PTPRD: variants seen among roughly 807,000 people sequenced by gnomAD.
The protein encoded by PTPRD is protein tyrosine phosphatase receptor type D.
In PTPRD, 34 loss-of-function variants were observed where a neutral mutation model predicts 214.5. The observed-to-expected ratio is 0.16, with a 90% CI of 0.12 to 0.21. PTPRD has a LOEUF of 0.21. PTPRD is among the 10% of genes least tolerant of loss of function. The pLI, the probability that PTPRD is intolerant of heterozygous loss-of-function variation, is 1.00. For missense variants in PTPRD, 2,545 were observed against 2,398.7 expected, an observed-to-expected ratio of 1.06 and a Z score of -1.27; for synonymous variants, 1,128 against 845.7, an observed-to-expected ratio of 1.33 and a Z score of -5.79.
At chr9:8,967,995 C>G (rs539211619) in intron 11 of PTPRD, among the ~76,000 whole-genome samples, 5 of 151,960 alleles carry the variant, frequency 3.3e-5, no homozygotes, top group Non-Finnish European at 7.4e-5. Context: ...TGAGTGAGAA[C>G]ATGTGGTGTT....
At chr9:8,878,178 A>G (rs1272939541) in intron 11 of PTPRD, among the ~76,000 whole-genome samples, 1 of 152,204 alleles carries the variant, frequency 6.6e-6, no homozygotes, top group Admixed American at 6.5e-5. Flanking sequence ...TGTATGAAAC[A>G]CTGTGTCTTA....
chr9:8,763,905 G>C (rs1001450660), intron 11 of PTPRD, among the ~76,000 whole-genome samples: 2 of 151,940 alleles, frequency 1.3e-5, no homozygotes, highest in Non-Finnish European at 2.9e-5. Flanking sequence ...TACTAAATAT[G>C]GTAAATTCAA....
chr9:9,736,720 G>C (rs1444366712), intron 6 of PTPRD, among the ~76,000 whole-genome samples: 2 of 151,822 alleles, frequency 1.3e-5, no homozygotes, highest in African/African-American at 2.4e-5. Flanking sequence ...ATGTTTATTA[G>C]TCATACACAT....
chr9:8,839,118 C>T (rs921283265), intron 11 of PTPRD, among the ~76,000 whole-genome samples: 2 of 151,706 alleles, frequency 1.3e-5, no homozygotes, highest in African/African-American at 4.8e-5. Context: ...GAATAAAAAC[C>T]CTTAGGCAAA....
chr9:9,602,970 T>C (rs996189163), intron 7 of PTPRD, among the ~76,000 whole-genome samples: 3 of 152,120 alleles, frequency 2.0e-5, no homozygotes, highest in Non-Finnish European at 4.4e-5. Context: ...TTGGCTGCTA[T>C]ATTTTGAAAG....
chr9:10,115,501 G>A lies in PTPRD; in HGVS notation c.-544-81711C>T, dbSNP rs530016988. Among the ~76,000 whole-genome samples the A allele has an allele frequency of 2.6e-5, 4 of 152,050 alleles. No homozygotes were observed. In the East Asian group the frequency reaches 7.7e-4, roughly 29 times the overall value. ...AGATCTCTTTGCTTCTTTACAATTT[G>A]GCCAAGGGACACTGAAAGTTAACCC... On this transcript the variant is annotated intron_variant, in intron 3 of 45. Coordinates refer to ENST00000381196, the MANE Select transcript of PTPRD (RefSeq NM_002839.4).
At chr9:9,448,371 C>T (rs932439537) in intron 8 of PTPRD, among the ~76,000 whole-genome samples, 4 of 151,948 alleles carry the variant, frequency 2.6e-5, no homozygotes, top group Non-Finnish European at 4.4e-5. Context: ...CAGTTTCCCC[C>T]ATGCTGTTTT....
intron 7 of PTPRD, among the ~76,000 whole-genome samples, chr9:9,714,283 T>A (rs1016745613): frequency 1.3e-5 from 2 of 152,138 alleles, no homozygotes; most frequent in African/African-American, 4.8e-5. Flanking sequence ...GATATATTTT[T>A]GTACAGCAAC....
At chr9:9,335,939 G>A (rs1314096210) in intron 9 of PTPRD, among the ~76,000 whole-genome samples, 1 of 151,670 alleles carries the variant, frequency 6.6e-6, no homozygotes, top group Non-Finnish European at 1.5e-5. Flanking sequence ...TCCAATAATA[G>A]GAGAGATCAT....
chr9:8,660,588 A>G (rs1026663822), intron 12 of PTPRD, among the ~76,000 whole-genome samples: 1 of 152,102 alleles, frequency 6.6e-6, no homozygotes, highest in South Asian at 2.1e-4. Flanking sequence ...CCAGCCCCTC[A>G]GTGAACTTCT....
intron 9 of PTPRD, among the ~76,000 whole-genome samples, chr9:9,355,398 C>T (rs2053376031): frequency 6.6e-6 from 1 of 151,286 alleles, no homozygotes; most frequent in African/African-American, 2.4e-5. Context: ...AAAGAATGGG[C>T]TTAATTATGA....
intron 2 of PTPRD, among the ~76,000 whole-genome samples, chr9:10,389,572 C>T (rs1322104322): frequency 2.0e-5 from 3 of 151,750 alleles, no homozygotes; most frequent in Non-Finnish European, 2.9e-5. Context: ...AATTCATATA[C>T]ATTATTTTGT....
intron 5 of PTPRD, among the ~76,000 whole-genome samples, chr9:9,915,428 T>G (rs2080444422): frequency 6.6e-6 from 1 of 150,978 alleles, no homozygotes; most frequent in South Asian, 2.1e-4. Flanking sequence ...TTCAAAATAA[T>G]AAATCTTAAG....
chr9:10,015,479 T>G (rs1018305968), intron 4 of PTPRD, among the ~76,000 whole-genome samples: 2 of 152,082 alleles, frequency 1.3e-5, no homozygotes, highest in African/African-American at 4.8e-5. Context: ...AAAGGTGAAG[T>G]TGCAATCAAC....
At chr9:10,421,060 G>C (rs2098540863) in intron 2 of PTPRD, among the ~76,000 whole-genome samples, 1 of 151,768 alleles carries the variant, frequency 6.6e-6, no homozygotes, top group African/African-American at 2.4e-5. Flanking sequence ...ACTAACAATA[G>C]CTGATTAGCT....
At chr9:8,698,991 A>G (rs2098003689) in intron 12 of PTPRD, among the ~76,000 whole-genome samples, 1 of 152,150 alleles carries the variant, frequency 6.6e-6, no homozygotes, top group Admixed American at 6.6e-5. Flanking sequence ...CCTTCATGAG[A>G]AAACAGCATC....
intron 11 of PTPRD, among the ~76,000 whole-genome samples, chr9:8,772,327 A>T (rs1310871227): frequency 6.6e-6 from 1 of 152,064 alleles, no homozygotes; most frequent in Non-Finnish European, 1.5e-5. Flanking sequence ...CAAGAGCTCC[A>T]ATCTGGGTTT....
chr9:9,646,328 TGTGTGTGTGTGTGTGG>T (rs1157209053), intron 7 of PTPRD, among the ~76,000 whole-genome samples: 55 of 146,714 alleles, frequency 3.7e-4, no homozygotes, highest in African/African-American at 1.4e-3. Flanking sequence ...GGTGTGTGTG[TGTGTGTGTGTGTGTGG>T]GTGTGTGTGT....
At chr9:8,352,242 A>G (rs1004527688) in intron 39 of PTPRD, among the ~76,000 whole-genome samples, 1 of 152,168 alleles carries the variant, frequency 6.6e-6, no homozygotes, top group Admixed American at 6.5e-5. Flanking sequence ...CGCGTAAAGA[A>G]CACCTGAATA....
Sources: allele counts gnomAD v4.1 joint callset (sites outside exome capture counted in the v4.1 genomes callset), GRCh38; gene constraint gnomAD v4.1.1; transcripts MANE v1.5; gene names NCBI Gene and HGNC (gene_info 2026-07-23, HGNC 2026-07-21).